The following CAMKMT variants were observed in gnomAD, a reference collection of about 807,000 sequenced individuals.
CAMKMT encodes the protein calmodulin-lysine N-methyltransferase.
A neutral mutation model predicts 48.0 loss-of-function variants in CAMKMT; 53 were observed. That is an observed-to-expected ratio of 1.10 (90% confidence interval 0.89 to 1.39). The LOEUF is 1.39. Ranked by LOEUF, CAMKMT falls within the 40% of genes most tolerant of loss-of-function variation. CAMKMT has a pLI of 0.00. For missense variants in CAMKMT, 428 were observed against 402.7 expected (o/e 1.06, Z -0.54); for synonymous variants, 165 against 152.3 (o/e 1.08, Z -0.61).
chr2:44,570,101 T>A (rs77759074), intron 3 of CAMKMT, among the ~76,000 whole-genome samples: 1,741 of 152,282 alleles, frequency 0.011, 38 homozygotes, highest in African/African-American at 0.037. Flanking sequence ...TAAATGTATT[T>A]AACAGAAAAT....
chr2:44,614,159 A>T (rs540351604), intron 3 of CAMKMT, among the ~76,000 whole-genome samples: 1 of 152,326 alleles, frequency 6.6e-6, no homozygotes, highest in Admixed American at 6.5e-5. Flanking sequence ...TTGTATTTGG[A>T]CTAGATATTG....
chr2:44,536,667 C>A lies in CAMKMT; in HGVS notation c.376+146362C>A, dbSNP rs180981583. Among the ~76,000 whole-genome samples, 460 of 151,994 alleles carry A rather than the reference C, an allele frequency of 3.0e-3. 1 individual carries two copies. Among genetic ancestry groups the A allele is most frequent in the African/African-American group, 8.3e-3 (346 of 41,472 alleles). On this transcript the variant is annotated intron_variant, in intron 3 of 10. Coordinates refer to ENST00000378494, the MANE Select transcript of CAMKMT (RefSeq NM_024766.5). Reference sequence around the variant, plus strand: ...TCGTAGAAATAGAAAAAATAATCCCCAAATTTGTATGGAACCAAAAAAGAG... The same window carrying A: ...TCGTAGAAATAGAAAAAATAATCCCAAAATTTGTATGGAACCAAAAAAGAG...
chr2:44,541,404 GT>G (rs1667098650), intron 3 of CAMKMT, among the ~76,000 whole-genome samples: 1 of 151,944 alleles, frequency 6.6e-6, no homozygotes, highest in Non-Finnish European at 1.5e-5. Flanking sequence ...CCTCACTTAG[GT>G]TTTGCCATTT....
In CAMKMT at chr2:44,511,820, A is replaced by G. The variant is rs1442503107; in HGVS notation, c.376+121515A>G. 3.3e-5 allele frequency among the ~76,000 whole-genome samples: 5 copies of G among 152,234 alleles called. No homozygotes were observed. In the East Asian group the frequency reaches 7.7e-4, roughly 23 times the overall value. ...GGTCCCTCACTTCAAGTGTTTACACAAATTTGACCTTGTTAGTGAGACCTC... is the reference window on the plus strand; with the variant it reads ...GGTCCCTCACTTCAAGTGTTTACACGAATTTGACCTTGTTAGTGAGACCTC... On this transcript the variant is annotated intron_variant, in intron 3 of 10. Transcript: ENST00000378494.
chr2:44,727,151 C>T (rs343966), intron 7 of CAMKMT, among the ~76,000 whole-genome samples: 1,676 of 152,158 alleles, frequency 0.011, 4 homozygotes, highest in Non-Finnish European at 0.017. Flanking sequence ...TCTAATTCTG[C>T]GAAGAATGAC....
intron 3 of CAMKMT, among the ~76,000 whole-genome samples, chr2:44,601,392 G>T (rs1670979347): frequency 6.6e-6 from 1 of 152,044 alleles, no homozygotes; most frequent in African/African-American, 2.4e-5. Context: ...GGAGGCGGAG[G>T]TTGCGGTGAG....
chr2:44,698,740 C>T (rs1025989114), intron 3 of CAMKMT, among the ~76,000 whole-genome samples: 6 of 152,162 alleles, frequency 3.9e-5, no homozygotes, highest in South Asian at 4.1e-4. Context: ...TGCAGTTTGC[C>T]ACATTGGTTG....
chr2:44,554,169 C>T (rs913169809), intron 3 of CAMKMT, among the ~76,000 whole-genome samples: 2 of 152,192 alleles, frequency 1.3e-5, no homozygotes, highest in African/African-American at 2.4e-5. Flanking sequence ...AAGAATTAGA[C>T]ATTCAAAGAC....
intron 3 of CAMKMT, among the ~76,000 whole-genome samples, chr2:44,523,590 T>C (rs1671239469): frequency 6.7e-6 from 1 of 150,312 alleles, no homozygotes; most frequent in African/African-American, 2.4e-5. Flanking sequence ...TCACCACACC[T>C]GTCCAAGGGG....
At chr2:44,385,393 G>A (rs963983161) in intron 2 of CAMKMT, among the ~76,000 whole-genome samples, 1 of 152,126 alleles carries the variant, frequency 6.6e-6, no homozygotes, top group Non-Finnish European at 1.5e-5. Flanking sequence ...GGAGTCTTTA[G>A]GGTTGTCGAG....
chr2:44,496,663 A>G (rs1558657149), intron 3 of CAMKMT, among the ~76,000 whole-genome samples: 2 of 152,228 alleles, frequency 1.3e-5, no homozygotes, highest in East Asian at 1.9e-4. Flanking sequence ...GTGGTCTTCT[A>G]CGTTCCTAAG....
At chr2:44,660,678 A>T (rs1168934787) in intron 3 of CAMKMT, among the ~76,000 whole-genome samples, 2 of 152,102 alleles carry the variant, frequency 1.3e-5, no homozygotes, top group Non-Finnish European at 2.9e-5. Flanking sequence ...GTACAGTGGC[A>T]CAATCATGGC....
intron 3 of CAMKMT, among the ~76,000 whole-genome samples, chr2:44,654,912 CTGTTATG>C (rs1282875297): frequency 6.6e-6 from 1 of 152,132 alleles, no homozygotes; most frequent in Non-Finnish European, 1.5e-5. Flanking sequence ...GCAGAGTATC[CTGTTATG>C]TACATGTACC....
intron 3 of CAMKMT, among the ~76,000 whole-genome samples, chr2:44,481,731 G>A (rs535773832): frequency 2.2e-4 from 34 of 151,928 alleles, no homozygotes; most frequent in East Asian, 3.8e-4. Flanking sequence ...AAATCATTTC[G>A]ATGAATGACA....
At chr2:44,679,305 A>T (rs941421973) in intron 3 of CAMKMT, among the ~76,000 whole-genome samples, 2 of 152,202 alleles carry the variant, frequency 1.3e-5, no homozygotes, top group Admixed American at 1.3e-4. Context: ...CAACTATTAT[A>T]TTTGATATTG....
chr2:44,487,829 C>T (rs768579427), intron 3 of CAMKMT, among the ~76,000 whole-genome samples: 2 of 152,258 alleles, frequency 1.3e-5, no homozygotes, highest in African/African-American at 4.8e-5. Flanking sequence ...TGAGTTGTCA[C>T]CTTTTCCAAA....
chr2:44,564,082 A>G (rs570592287), intron 3 of CAMKMT, among the ~76,000 whole-genome samples: 2 of 152,292 alleles, frequency 1.3e-5, no homozygotes, highest in South Asian at 2.1e-4. Flanking sequence ...ACTAGTTTAC[A>G]GTCCCACCAA....
chr2:44,537,871 C>T (rs1196500357), intron 3 of CAMKMT, among the ~76,000 whole-genome samples: 1 of 152,134 alleles, frequency 6.6e-6, no homozygotes. Context: ...TAAATTAGTA[C>T]AACCTCTATG....
chr2:44,376,419 C>CA (rs567674110), intron 2 of CAMKMT, among the ~76,000 whole-genome samples: 2,100 of 104,774 alleles, frequency 0.02, 17 homozygotes, highest in African/African-American at 0.027. Context: ...GACTCTGTAT[C>CA]AAAAAAAAAA....
Sources: allele counts gnomAD v4.1 joint callset (sites outside exome capture counted in the v4.1 genomes callset), GRCh38; gene constraint gnomAD v4.1.1; transcripts MANE v1.5; gene names NCBI Gene and HGNC (gene_info 2026-07-23, HGNC 2026-07-21).